The following TMEM132B variants were observed in gnomAD, a reference collection of about 807,000 sequenced individuals.
TMEM132B encodes the protein transmembrane protein 132B.
TMEM132B carries 18 observed loss-of-function variants against 90.8 expected under a neutral mutation model. That is an observed-to-expected ratio of 0.20 (90% CI 0.14 to 0.29). TMEM132B has a LOEUF of 0.29. Among genes scored for constraint, TMEM132B ranks in the 10% least tolerant of loss-of-function variants. The probability of loss-of-function intolerance (pLI) is 1.00; values close to 1 mark genes in which losing one functional copy is unlikely to be tolerated. For synonymous variants in TMEM132B, 504 were observed against 523.3 expected, an observed-to-expected ratio of 0.96 and a Z score of 0.50; for missense variants, 1,096 against 1,326.8, an observed-to-expected ratio of 0.83 and a Z score of 2.70.
rs944907478 is a variant in TMEM132B at position 125,277,532 on chromosome 12, C to T, written c.68-71920C>T. On this transcript the variant is annotated intron_variant, in intron 1 of 8. Transcript: ENST00000682704. The surrounding 1 kb of genome is among the most constrained non-coding windows in gnomAD (Gnocchi z 4.3). Reference sequence around the variant, plus strand: ...ACACACACACACACACACACACATACACACACACACGGGAAGGCCATGTGA... The same window carrying T: ...ACACACACACACACACACACACATATACACACACACGGGAAGGCCATGTGA... Among the ~76,000 whole-genome samples the T allele has an allele frequency of 1.4e-5, 2 of 138,722 alleles. No individual in the cohort carries two copies. Among genetic ancestry groups the T allele is most frequent in the African/African-American group, 2.6e-5 (1 of 38,340 alleles). 91.0% of individuals were successfully genotyped at this position (138,722 alleles called of 152,430 possible).
At chr12:125,268,958 C>T (rs146695038) in intron 1 of TMEM132B, among the ~76,000 whole-genome samples, 84 of 152,318 alleles carry the variant, frequency 5.5e-4, no homozygotes, top group African/African-American at 2.0e-3. Context: ...AGTTTTTGAT[C>T]TTAGAGGCTG....
intron 1 of TMEM132B, among the ~76,000 whole-genome samples, chr12:125,280,593 C>T (rs1276209575): frequency 2.6e-5 from 4 of 152,242 alleles, no homozygotes; most frequent in Middle Eastern, 3.2e-3. Context: ...AGCAGCCCGT[C>T]TTCACTTGCT....
intron 5 of TMEM132B, among the ~76,000 whole-genome samples, chr12:125,589,382 T>G (rs1885263799): frequency 6.9e-6 from 1 of 145,180 alleles, no homozygotes; most frequent in Non-Finnish European, 1.5e-5. Flanking sequence ...CTCGGGAGGC[T>G]GAGGCAGGAG....
At chr12:125,400,590 A>G (rs1451647281) in intron 2 of TMEM132B, among the ~76,000 whole-genome samples, 11 of 152,108 alleles carry the variant, frequency 7.2e-5, no homozygotes. Context: ...CCCTCTGTGG[A>G]TCCCTTGGAC....
At chr12:125,475,234 G>C (rs1476182637) in intron 3 of TMEM132B, among the ~76,000 whole-genome samples, 1 of 152,126 alleles carries the variant, frequency 6.6e-6, no homozygotes, top group Non-Finnish European at 1.5e-5. Flanking sequence ...TTGTAATTTA[G>C]GTTAGTATCA....
At position 125,350,337 on chromosome 12, in the gene TMEM132B, C is replaced by G. The variant is rs763197886; in HGVS notation, c.953C>G (p.Thr318Ser). The change falls in exon 2 of 9, where the codon ACT (threonine) becomes AGT (serine). Residue 318 changes from threonine (T) to serine (S), a missense_variant. Thr to Ser is a moderately conservative substitution (Grantham distance 58). Coordinates refer to ENST00000682704, the MANE Select transcript of TMEM132B (RefSeq NM_001366854.1). ...LTSSSVADQF[T>S]LRIKAAAGVK... ...AGTAGCTCTGTGGCAGACCAGTTCACTCTTAGGTAAGAGGCTTTGCCAGGT... is the reference window on the plus strand; with the variant it reads ...AGTAGCTCTGTGGCAGACCAGTTCAGTCTTAGGTAAGAGGCTTTGCCAGGT... 3.1e-6 allele frequency: 5 copies of G among 1,610,558 alleles called. No individual in the cohort carries two copies. In the Admixed American group the frequency reaches 6.7e-5, roughly 22 times the overall value.
intron 2 of TMEM132B, among the ~76,000 whole-genome samples, chr12:125,350,779 C>T (rs962005519): frequency 7.2e-5 from 11 of 152,304 alleles, no homozygotes; most frequent in Non-Finnish European, 1.3e-4. Flanking sequence ...TGGGAGGATG[C>T]GTCTTAGTTG....
At position 125,369,824 on chromosome 12, in the gene TMEM132B, G is replaced by A. The variant is rs151254756; in HGVS notation, c.959+19481G>A. 8.2e-3 allele frequency among the ~76,000 whole-genome samples: 1,250 copies of A among 152,256 alleles called. 24 individuals are homozygous for A. Among genetic ancestry groups the A allele is most frequent in the African/African-American group, 0.029 (1,185 of 41,554 alleles). On this transcript the variant is annotated intron_variant, in intron 2 of 8. Coordinates refer to ENST00000682704, the MANE Select transcript of TMEM132B (RefSeq NM_001366854.1). ...CAGCACTTTGGAAGGCGGAGGTGGCGGATCACCTGAGGTCAGGAGTTCGAG... is the reference window on the plus strand; with the variant it reads ...CAGCACTTTGGAAGGCGGAGGTGGCAGATCACCTGAGGTCAGGAGTTCGAG...
At chr12:125,348,907 G>A (rs79028531) in intron 1 of TMEM132B, among the ~76,000 whole-genome samples, 5,624 of 152,228 alleles carry the variant, frequency 0.037, 138 homozygotes, top group Non-Finnish European at 0.055. Flanking sequence ...TTGGTATTTC[G>A]GAAGGAGAGA....
chr12:125,432,409 GTA>G (rs1193466923), intron 3 of TMEM132B, among the ~76,000 whole-genome samples: 1 of 11,822 alleles, frequency 8.5e-5, no homozygotes, highest in Non-Finnish European at 1.8e-4. Context: ...GTATGTATGT[GTA>G]TATATATATA....
intron 4 of TMEM132B, among the ~76,000 whole-genome samples, chr12:125,539,042 G>C (rs754397344): frequency 2.6e-5 from 4 of 152,106 alleles, no homozygotes; most frequent in Non-Finnish European, 5.9e-5. Flanking sequence ...TGGTCTCCCT[G>C]TTCCACTCCC....
chr12:125,477,394 C>T (rs1238424724), intron 3 of TMEM132B, among the ~76,000 whole-genome samples: 1 of 152,182 alleles, frequency 6.6e-6, no homozygotes, highest in African/African-American at 2.4e-5. Flanking sequence ...CATATTCTCT[C>T]TCTCTGGCTC....
intron 2 of TMEM132B, among the ~76,000 whole-genome samples, chr12:125,384,713 T>C (rs1287548145): frequency 6.6e-6 from 1 of 152,156 alleles, no homozygotes. Context: ...TGCGGCAGCA[T>C]GATCTCGGCT....
At chr12:125,480,843 C>T (rs1332317758) in intron 3 of TMEM132B, among the ~76,000 whole-genome samples, 1 of 152,122 alleles carries the variant, frequency 6.6e-6, no homozygotes, top group Non-Finnish European at 1.5e-5. Flanking sequence ...TGATGAACAT[C>T]AATGCGAATA....
At chr12:125,557,624 A>T (rs188719863) in intron 4 of TMEM132B, among the ~76,000 whole-genome samples, 9 of 152,334 alleles carry the variant, frequency 5.9e-5, no homozygotes, top group Admixed American at 5.9e-4. Flanking sequence ...TTGCTTCAGG[A>T]TAGCTTAAAT....
intron 2 of TMEM132B, among the ~76,000 whole-genome samples, chr12:125,399,458 AGTGT>A (rs139362756): frequency 0.017 from 2,295 of 132,698 alleles, 27 homozygotes; most frequent in Non-Finnish European, 0.019. Flanking sequence ...TGAAGAAGGA[AGTGT>A]GTGTGTGTGT....
intron 1 of TMEM132B, among the ~76,000 whole-genome samples, chr12:125,216,831 G>A (rs1267500920): frequency 6.6e-6 from 1 of 152,206 alleles, no homozygotes; most frequent in Non-Finnish European, 1.5e-5. Flanking sequence ...AGGGGCTCGG[G>A]TGGGTCCACG....
intron 1 of TMEM132B, among the ~76,000 whole-genome samples, chr12:125,218,874 A>G (rs982002843): frequency 5.7e-4 from 86 of 151,090 alleles, no homozygotes; most frequent in African/African-American, 2.0e-3. Context: ...CTGCCCATGA[A>G]TGGGAGGGAA....
chr12:125,564,631 C>T lies in TMEM132B; in HGVS notation c.1294-19220C>T, dbSNP rs1399187782. Among the ~76,000 whole-genome samples the T allele has an allele frequency of 7.9e-5, 12 of 152,252 alleles. No homozygotes were observed. The East Asian group carries it at 1.7e-3, about 22-fold the overall frequency. ...GATTGAAGGGCTTAAGGAACTATTT[C>T]GATCTTTTCTTTTCAAGGATGTGCC... is the stretch of plus-strand genomic sequence containing the variant. On this transcript the variant is annotated intron_variant, in intron 4 of 8. Transcript: ENST00000682704.
Sources: gnomAD v4.1 joint callset for allele counts (sites outside exome capture counted in the v4.1 genomes callset) on GRCh38, gnomAD v4.1.1 for gene constraint, Gnocchi (gnomAD v3.1) non-coding constraint, MANE v1.5 for transcripts, NCBI Gene and HGNC (gene_info 2026-07-23, HGNC 2026-07-21) for gene names.